The following TAB2 variants were observed in gnomAD, a reference collection of about 807,000 sequenced individuals.
TAB2 encodes TGF-beta activated kinase 1 (MAP3K7) binding protein 2, also known as TGF-beta-activated kinase 1 and MAP3K7-binding protein 2.
TAB2 carries 3 observed loss-of-function variants against 65.0 expected under a neutral mutation model. The observed-to-expected ratio is 0.05, with a 90% CI of 0.02 to 0.12. The LOEUF is 0.12. Among genes scored for constraint, TAB2 ranks in the 10% least tolerant of loss-of-function variants. The pLI is 1.00. For missense variants in TAB2, 623 were observed against 840.3 expected (o/e 0.74, Z 3.20); for synonymous variants, 298 against 285.1 (o/e 1.05, Z -0.46).
intron 3 of TAB2, among the ~76,000 whole-genome samples, chr6:149,388,838 T>G (rs1325229620): frequency 6.6e-6 from 1 of 152,178 alleles, no homozygotes; most frequent in Non-Finnish European, 1.5e-5. Context: ...CCTTATAAAT[T>G]TTTTACTTTT....
At chr6:149,308,498 C>CTATTTATTTATT (rs528507201) in intron 1 of TAB2, among the ~76,000 whole-genome samples, 2 of 139,310 alleles carry the variant, frequency 1.4e-5, no homozygotes, top group African/African-American at 5.5e-5. Flanking sequence ...GTGATATTTT[C>CTATTTATTTATT]TATTTATTTA....
intron 1 of TAB2, among the ~76,000 whole-genome samples, chr6:149,298,564 G>T (rs1177789177): frequency 6.6e-6 from 1 of 152,104 alleles, no homozygotes; most frequent in Non-Finnish European, 1.5e-5. Flanking sequence ...GGAGGTCAAG[G>T]CTGCGGTAAT....
chr6:149,326,435 A>G (rs1001677437), intron 1 of TAB2, among the ~76,000 whole-genome samples: 5 of 152,212 alleles, frequency 3.3e-5, no homozygotes, highest in African/African-American at 1.2e-4. Flanking sequence ...CTGTAAAATA[A>G]AACCAGAAGC....
At chr6:149,385,710 C>CT (rs1781769460) in intron 3 of TAB2, among the ~76,000 whole-genome samples, 1 of 152,158 alleles carries the variant, frequency 6.6e-6, no homozygotes, top group African/African-American at 2.4e-5. Context: ...CCCATCCAGC[C>CT]TATCAAGTGT....
Position 149,254,018 on chromosome 6 carries a change from GAA to G in TAB2, c.-121+35244_-121+35245del, listed in dbSNP as rs1554254276. Among the ~76,000 whole-genome samples the G allele has an allele frequency of 4.4e-5, 6 of 137,358 alleles. No homozygotes were observed. In the South Asian group the frequency reaches 1.4e-3, roughly 33 times the overall value. 90.1% of individuals were successfully genotyped at this position (137,358 alleles called of 152,430 possible). Reference sequence around the variant, plus strand: ...AGAAAGAAAGAAAGAAAGAAAGAAAGAAAGAAAAGAAAGAAAGAGAGAAAGAA... The same window carrying G: ...AGAAAGAAAGAAAGAAAGAAAGAAAGAGAAAAGAAAGAAAGAGAGAAAGAA... On this transcript the variant is annotated intron_variant, in intron 1 of 1. Transcript: ENST00000606202.
intron 1 of TAB2, among the ~76,000 whole-genome samples, chr6:149,251,735 A>C (rs1005103645): frequency 6.6e-6 from 1 of 152,042 alleles, no homozygotes; most frequent in Admixed American, 6.6e-5. Flanking sequence ...AAAGTTAAGC[A>C]CTCGTGGCAT....
chr6:149,329,023 TAGTTCTAC>T lies in TAB2; in HGVS notation c.-90+11012_-90+11019del, dbSNP rs1352802607. ...TCCACATGTACACAGTAACTGTGTG[TAGTTCTAC>T]AGTGCATTAGGTACCAGTGGTGGGT... On this transcript the variant is annotated intron_variant, in intron 1 of 6. Coordinates refer to ENST00000637181, the MANE Select transcript of TAB2 (RefSeq NM_001292034.3). Among the ~76,000 whole-genome samples the T allele has an allele frequency of 2.0e-5, 3 of 152,112 alleles. No individual in the cohort carries two copies. In the East Asian group the frequency reaches 5.8e-4, roughly 29 times the overall value.
intron 1 of TAB2, among the ~76,000 whole-genome samples, chr6:149,295,556 T>C (rs1778860734): frequency 6.6e-6 from 1 of 152,214 alleles, no homozygotes; most frequent in Admixed American, 6.5e-5. Context: ...TAATCCTCTT[T>C]CATATTGTTT....
At chr6:149,370,240 C>G in intron 2 of TAB2, 141 bp downstream of exon 2, 1 of 807,640 alleles carries the variant, frequency 1.2e-6, no homozygotes, top group Non-Finnish European at 2.1e-6. Context: ...GTCTGATAGT[C>G]ATGTGGCCTT....
At chr6:149,324,213 A>G (rs1435867330) in intron 1 of TAB2, among the ~76,000 whole-genome samples, 1 of 152,172 alleles carries the variant, frequency 6.6e-6, no homozygotes, top group Non-Finnish European at 1.5e-5. Context: ...AGAGAGAGAG[A>G]GAGAGAAGCA....
intron 1 of TAB2, among the ~76,000 whole-genome samples, chr6:149,363,750 C>G (rs1280763077): frequency 1.3e-5 from 2 of 152,140 alleles, no homozygotes; most frequent in African/African-American, 4.8e-5. Flanking sequence ...ACCACAGATG[C>G]ACCTCACATT....
chr6:149,365,295 G>T (rs1190933206), intron 1 of TAB2, among the ~76,000 whole-genome samples: 1 of 152,098 alleles, frequency 6.6e-6, no homozygotes, highest in South Asian at 2.1e-4. Context: ...AATACCAATT[G>T]TTTCAGTAAT....
chr6:149,265,248 T>C (rs527993316), intron 1 of TAB2, among the ~76,000 whole-genome samples: 1 of 151,988 alleles, frequency 6.6e-6, no homozygotes, highest in South Asian at 2.1e-4. Flanking sequence ...TTTGCGGGTC[T>C]CTAATGGCGA....
intron 1 of TAB2, among the ~76,000 whole-genome samples, chr6:149,322,142 C>G (rs1413812667): frequency 6.6e-6 from 1 of 152,124 alleles, no homozygotes; most frequent in Non-Finnish European, 1.5e-5. Flanking sequence ...GCTAGGGACT[C>G]TTCCAGATGC....
At chr6:149,407,072 G>A (rs1782689529) in intron 6 of TAB2, among the ~76,000 whole-genome samples, 1 of 152,164 alleles carries the variant, frequency 6.6e-6, no homozygotes, top group African/African-American at 2.4e-5. Flanking sequence ...TTATTTAAAT[G>A]TTTTTAAATA....
chr6:149,289,561 A>T (rs774110838), intron 1 of TAB2, among the ~76,000 whole-genome samples: 6 of 152,134 alleles, frequency 3.9e-5, no homozygotes, highest in Non-Finnish European at 7.4e-5. Flanking sequence ...GTCCTGCCTG[A>T]CCTGACCTCA....
intron 1 of TAB2, among the ~76,000 whole-genome samples, chr6:149,273,071 T>C (rs545608550): frequency 1.3e-5 from 2 of 152,070 alleles, no homozygotes; most frequent in South Asian, 4.2e-4. Flanking sequence ...TTGCCTTTCA[T>C]GAAACTGGTC....
At chr6:149,232,888 C>T (rs562320510) in intron 1 of TAB2, among the ~76,000 whole-genome samples, 6 of 152,172 alleles carry the variant, frequency 3.9e-5, no homozygotes, top group Non-Finnish European at 8.8e-5. Flanking sequence ...GGAATGCTGT[C>T]GTACCCCTGG....
intron 1 of TAB2, among the ~76,000 whole-genome samples, chr6:149,232,376 C>T (rs1225127541): frequency 6.6e-6 from 1 of 152,154 alleles, no homozygotes; most frequent in Non-Finnish European, 1.5e-5. Context: ...TACAGGCACA[C>T]AACACCACGC....
Sources: allele counts gnomAD v4.1 joint callset (sites outside exome capture counted in the v4.1 genomes callset), GRCh38; gene constraint gnomAD v4.1.1; transcripts MANE v1.5; gene names NCBI Gene and HGNC (gene_info 2026-07-23, HGNC 2026-07-21).